KDM6A: variants seen among roughly 807,000 people sequenced by gnomAD.
KDM6A encodes the protein lysine-specific demethylase 6A.
In KDM6A, 11 loss-of-function variants were observed where a neutral mutation model predicts 117.6. The observed-to-expected ratio is 0.09, with a 90% CI of 0.06 to 0.15. The LOEUF is 0.15. KDM6A is among the 10% of genes least tolerant of loss of function. The probability of loss-of-function intolerance (pLI) is 1.00; values close to 1 mark genes in which losing one functional copy is unlikely to be tolerated. For synonymous variants in KDM6A, 384 were observed against 396.1 expected (o/e 0.97, Z 0.36); for missense variants, 799 against 1,077.3 (o/e 0.74, Z 3.62).
At chrX:45,022,539 A>AT (rs2042206407) in intron 6 of KDM6A, among the ~76,000 whole-genome samples, 1 of 111,968 alleles carries the variant, frequency 8.9e-6, no homozygotes, top group Non-Finnish European at 1.9e-5. Flanking sequence ...TTTAAGAAGA[A>AT]TTTGGGCATG....
At chrX:44,903,300 C>G (rs1439701755) in intron 2 of KDM6A, among the ~76,000 whole-genome samples, 1 of 111,744 alleles carries the variant, frequency 8.9e-6, no homozygotes, top group Non-Finnish European at 1.9e-5. Context: ...CCACGTCATC[C>G]CATTGCCTTC....
intron 2 of KDM6A, among the ~76,000 whole-genome samples, chrX:44,921,058 A>G (rs1416646761): frequency 9.2e-6 from 1 of 109,012 alleles, no homozygotes; most frequent in Non-Finnish European, 1.9e-5. Flanking sequence ...TATTTTTAGT[A>G]GAGACAGGGT....
chrX:45,086,080 A>G (rs2045626640), intron 25 of KDM6A, 101 bp downstream of exon 25: 1 of 521,396 alleles, frequency 1.9e-6, no homozygotes, highest in Non-Finnish European at 3.5e-6. Context: ...CATTGCCAGT[A>G]TTCACTTACC....
intron 18 of KDM6A, among the ~76,000 whole-genome samples, chrX:45,074,614 A>T (rs2045027667): frequency 9.0e-6 from 1 of 111,710 alleles, no homozygotes; most frequent in Admixed American, 9.5e-5. Context: ...CTTTATTTCC[A>T]TATATGTAGT....
At chrX:45,090,179 G>A (rs181019313) in intron 26 of KDM6A, among the ~76,000 whole-genome samples, 2 of 108,707 alleles carry the variant, frequency 1.8e-5, no homozygotes, top group African/African-American at 6.5e-5. Context: ...ATTTTAGAGT[G>A]CTTGGTTTTA....
chrX:44,889,238 C>T (rs759884314), intron 2 of KDM6A, among the ~76,000 whole-genome samples: 6 of 112,030 alleles, frequency 5.4e-5, no homozygotes, highest in African/African-American at 1.9e-4. Flanking sequence ...TGGTCTTGAA[C>T]TCCTGACCTC....
intron 8 of KDM6A, among the ~76,000 whole-genome samples, chrX:45,050,272 G>A (rs1365895979): frequency 8.9e-6 from 1 of 112,546 alleles, no homozygotes; most frequent in African/African-American, 3.2e-5. Flanking sequence ...CCCGGGAGGC[G>A]GAGGTTGCAG....
At chrX:45,090,660 A>G in intron 26 of KDM6A, 63 bp from the exon 27 acceptor site, 1 of 1,146,438 alleles carries the variant, frequency 8.7e-7, no homozygotes, top group Non-Finnish European at 1.2e-6. Context: ...AGCAGGTGAT[A>G]ATGGTTATCT....
At chrX:44,964,324 C>T (rs948372197) in intron 3 of KDM6A, among the ~76,000 whole-genome samples, 2 of 107,030 alleles carry the variant, frequency 1.9e-5, no homozygotes, top group African/African-American at 6.8e-5. Context: ...TGGTGTGTGC[C>T]TGTATTCCCA....
In KDM6A at chrX:45,067,653, G is replaced by GTTTTTT. The variant is rs1192862756; in HGVS notation, c.2080-1914_2080-1909dup. On this transcript the variant is annotated intron_variant, in intron 17 of 29. Transcript: ENST00000611820. ...ACTCACTGGTGTGTATCTTTTTTTT[G>GTTTTTT]TTTTTTTTTTTTTTTTTGAGATGGA... 1.5e-3 allele frequency among the ~76,000 whole-genome samples: 128 copies of GTTTTTT among 83,265 alleles called. 2 individuals are homozygous for GTTTTTT. Among genetic ancestry groups the GTTTTTT allele is most frequent in the African/African-American group, 5.5e-3 (119 of 21,456 alleles). The allele number at this position is 83,265 out of a possible 115,157, so 72.3% of individuals were successfully genotyped here. A position where few individuals can be genotyped will look rare whatever the true frequency, so the allele number is the denominator to read the frequency against.
intron 2 of KDM6A, among the ~76,000 whole-genome samples, chrX:44,922,016 C>A (rs1263316500): frequency 2.1e-5 from 1 of 48,134 alleles, no homozygotes; most frequent in South Asian, 1.5e-3. Flanking sequence ...TGATAAAATT[C>A]ATTGTGTGTG....
chrX:45,061,296 A>AT (rs759545451), intron 14 of KDM6A, 28 bp from the exon 15 acceptor site: 2,247 of 877,479 alleles, frequency 2.6e-3, no homozygotes, highest in Non-Finnish European at 3.1e-3. Flanking sequence ...ATATTCTTTA[A>AT]TTTTTTTTTT....
intron 18 of KDM6A, among the ~76,000 whole-genome samples, chrX:45,074,567 AC>A (rs1569536608): frequency 8.9e-6 from 1 of 112,040 alleles, no homozygotes; most frequent in East Asian, 2.8e-4. Flanking sequence ...ACAATAAGAA[AC>A]TGCTAGGTAT....
chrX:44,917,477 A>G (rs1261744863), intron 2 of KDM6A, among the ~76,000 whole-genome samples: 1 of 112,018 alleles, frequency 8.9e-6, no homozygotes, highest in African/African-American at 3.2e-5. Flanking sequence ...ATATCTGTGT[A>G]GTAAATGTTC....
At chrX:45,095,986 A>G (rs949951490) in intron 27 of KDM6A, among the ~76,000 whole-genome samples, 1 of 111,805 alleles carries the variant, frequency 8.9e-6, no homozygotes, top group African/African-American at 3.3e-5. Context: ...TCCATTTGCT[A>G]TTTTAAACCA....
chrX:44,878,341 T>C (rs1032032066), intron 2 of KDM6A, among the ~76,000 whole-genome samples: 1 of 111,807 alleles, frequency 8.9e-6, no homozygotes, highest in African/African-American at 3.3e-5. Context: ...GTGTTTTGGT[T>C]AGAAAAGTCA....
intron 4 of KDM6A, among the ~76,000 whole-genome samples, chrX:44,986,676 G>T (rs1460264833): frequency 3.6e-5 from 4 of 111,915 alleles, no homozygotes; most frequent in Non-Finnish European, 5.6e-5. Context: ...GTACCCAGTA[G>T]TCATTCAGGA....
At chrX:44,964,711 G>A (rs749512726) in intron 3 of KDM6A, among the ~76,000 whole-genome samples, 4 of 111,818 alleles carry the variant, frequency 3.6e-5, no homozygotes, top group Non-Finnish European at 3.8e-5. Context: ...TTCAGACTTT[G>A]TTGTTCTATT....
chrX:44,913,320 G>T (rs79321056), intron 2 of KDM6A, among the ~76,000 whole-genome samples: 1 of 77,308 alleles, frequency 1.3e-5, no homozygotes. Context: ...TTTTTGAGAC[G>T]GAGTTTTGCT....
Sources: gnomAD v4.1 joint callset for allele counts (sites outside exome capture counted in the v4.1 genomes callset) on GRCh38, gnomAD v4.1.1 for gene constraint, MANE v1.5 for transcripts, NCBI Gene and HGNC (gene_info 2026-07-23, HGNC 2026-07-21) for gene names.